The following PPFIA2 variants were observed in gnomAD, a reference collection of about 807,000 sequenced individuals.
PPFIA2 encodes liprin-alpha-2.
Under a neutral mutation model 175.5 loss-of-function variants are expected in PPFIA2, and 46 were observed. The ratio of observed to expected loss-of-function variants is 0.26; its 90% CI spans 0.21 to 0.34. PPFIA2 has a LOEUF of 0.34. Among genes scored for constraint, PPFIA2 ranks in the 10% least tolerant of loss-of-function variants. The pLI, the probability that PPFIA2 is intolerant of heterozygous loss-of-function variation, is 1.00. For synonymous variants in PPFIA2, 568 were observed against 511.4 expected (o/e 1.11, Z -1.49); for missense variants, 1,179 against 1,506.1 (o/e 0.78, Z 3.60).
rs1228906193 is a variant in PPFIA2 at position 81,294,972 on chromosome 12, T to C, written c.2788A>G (p.Ile930Val). ...ACRANVKSGA[I>V]MSALSDTEIQ... ...TCAGTGTCAGATAAAGCAGACATGA[T>C]GGCACCACTCTTCACGTTGGCTCGG... Residue 930 changes from isoleucine to valine, a missense_variant, in exon 24 of 33, where the codon ATC becomes GTC. Physicochemically the swap from Ile to Val is conservative, Grantham distance 29. Coordinates refer to ENST00000549396, the MANE Select transcript of PPFIA2 (RefSeq NM_003625.5). 2 of 1,613,818 alleles carry C rather than the reference T, an allele frequency of 1.2e-6. No individual in the cohort carries two copies. Among genetic ancestry groups the C allele is most frequent in the East Asian group, 2.2e-5 (1 of 44,870 alleles).
intron 4 of PPFIA2, among the ~76,000 whole-genome samples, chr12:81,564,821 C>T (rs184235731): frequency 1.1e-3 from 160 of 152,226 alleles, no homozygotes; most frequent in African/African-American, 3.6e-3. Flanking sequence ...AAAGCAGATA[C>T]TGAGCCTCAA....
At chr12:81,319,272 T>G (rs2139514379) in intron 22 of PPFIA2, among the ~76,000 whole-genome samples, 1 of 151,928 alleles carries the variant, frequency 6.6e-6, no homozygotes, top group South Asian at 2.1e-4. Context: ...AAGAGAACAC[T>G]TTGGTTTTCC....
At chr12:81,596,432 G>A (rs2153450741) in intron 4 of PPFIA2, among the ~76,000 whole-genome samples, 1 of 152,080 alleles carries the variant, frequency 6.6e-6, no homozygotes. Flanking sequence ...TTTATGTTTG[G>A]TAAAATTTAT....
chr12:81,401,830 G>A (rs2042140212), intron 8 of PPFIA2, among the ~76,000 whole-genome samples: 1 of 152,066 alleles, frequency 6.6e-6, no homozygotes, highest in South Asian at 2.1e-4. Context: ...TTCTGAAAAG[G>A]TGGAATTTAG....
intron 4 of PPFIA2, among the ~76,000 whole-genome samples, chr12:81,668,619 A>G (rs1264882364): frequency 2.0e-5 from 3 of 152,040 alleles, no homozygotes; most frequent in Non-Finnish European, 4.4e-5. Context: ...CCCTCCACAG[A>G]GTAAAAACCC....
chr12:81,354,257 T>G (rs914930399), intron 16 of PPFIA2, among the ~76,000 whole-genome samples: 4 of 152,216 alleles, frequency 2.6e-5, no homozygotes, highest in Non-Finnish European at 5.9e-5. Flanking sequence ...GGAATGCAGT[T>G]TGATAGCATT....
At chr12:81,757,875 T>C (rs1026652738) in intron 2 of PPFIA2, among the ~76,000 whole-genome samples, 1 of 152,206 alleles carries the variant, frequency 6.6e-6, no homozygotes, top group Non-Finnish European at 1.5e-5. Context: ...CATAGTGAGT[T>C]TCTTCTGAAA....
At chr12:81,289,921 A>G (rs1203818789) in intron 24 of PPFIA2, among the ~76,000 whole-genome samples, 1 of 151,806 alleles carries the variant, frequency 6.6e-6, no homozygotes, top group Non-Finnish European at 1.5e-5. Flanking sequence ...TAGTAATAGT[A>G]GCTTGGAGAA....
chr12:81,532,785 T>C (rs2064779406), intron 4 of PPFIA2, among the ~76,000 whole-genome samples: 1 of 151,774 alleles, frequency 6.6e-6, no homozygotes, highest in Non-Finnish European at 1.5e-5. Flanking sequence ...TGACTCTTAT[T>C]TGTTTCTTTG....
chr12:81,495,193 C>A (rs1406733798), intron 4 of PPFIA2, among the ~76,000 whole-genome samples: 1 of 151,992 alleles, frequency 6.6e-6, no homozygotes, highest in African/African-American at 2.4e-5. Context: ...GCAACTGTGC[C>A]TCCTCACACA....
chr12:81,602,798 T>C (rs1385662696), intron 4 of PPFIA2, among the ~76,000 whole-genome samples: 2 of 151,796 alleles, frequency 1.3e-5, no homozygotes, highest in Non-Finnish European at 2.9e-5. Flanking sequence ...ACTCCTTAAT[T>C]GCGGCACTGT....
At chr12:81,471,321 T>C (rs536137728) in intron 4 of PPFIA2, 9 of 151,368 alleles carry the variant, frequency 5.9e-5, no homozygotes, top group African/African-American at 2.2e-4. Context: ...AGTTTTATTT[T>C]TATTTATTTA....
chr12:81,319,724 T>C (rs963824728), intron 22 of PPFIA2, among the ~76,000 whole-genome samples: 2 of 151,870 alleles, frequency 1.3e-5, no homozygotes, highest in African/African-American at 4.8e-5. Flanking sequence ...GGAGAATATA[T>C]GTGTTTGTGA....
At chr12:81,362,849 T>A in intron 14 of PPFIA2, 65 bp from the exon 15 acceptor site, 1 of 946,712 alleles carries the variant, frequency 1.1e-6, no homozygotes, top group South Asian at 1.7e-5. Flanking sequence ...GATAAATGAG[T>A]CTTAATGATT....
At chr12:81,269,318 A>G (rs1385713684) in intron 28 of PPFIA2, among the ~76,000 whole-genome samples, 1 of 152,194 alleles carries the variant, frequency 6.6e-6, no homozygotes, top group East Asian at 1.9e-4. Context: ...AAAGGAAACT[A>G]TAATTACTAT....
At chr12:81,481,517 C>T (rs2058222696) in intron 4 of PPFIA2, among the ~76,000 whole-genome samples, 2 of 152,152 alleles carry the variant, frequency 1.3e-5, no homozygotes, top group Admixed American at 1.3e-4. Context: ...GTAACCAAAA[C>T]ATCATGGTAC....
intron 7 of PPFIA2, among the ~76,000 whole-genome samples, chr12:81,432,489 A>T (rs1323303017): frequency 2.7e-5 from 4 of 146,916 alleles, no homozygotes; most frequent in African/African-American, 1.0e-4. Flanking sequence ...TTTTCAATAC[A>T]GAGTCTTGCT....
chr12:81,327,102 A>T (rs2054948609), intron 21 of PPFIA2, among the ~76,000 whole-genome samples: 1 of 152,084 alleles, frequency 6.6e-6, no homozygotes, highest in South Asian at 2.1e-4. Flanking sequence ...ATAATACTGG[A>T]TAATATTAAC....
intron 7 of PPFIA2, among the ~76,000 whole-genome samples, chr12:81,415,469 T>C (rs1415988046): frequency 6.7e-6 from 1 of 149,676 alleles, no homozygotes. Flanking sequence ...TAATTGAAAA[T>C]ACATCATATA....
Sources: allele counts gnomAD v4.1 joint callset (sites outside exome capture counted in the v4.1 genomes callset), GRCh38; gene constraint gnomAD v4.1.1; transcripts MANE v1.5; gene names NCBI Gene and HGNC (gene_info 2026-07-23, HGNC 2026-07-21).